CYP19A1: variants seen among roughly 807,000 people sequenced by gnomAD.
CYP19A1 encodes cytochrome P450 family 19 subfamily A member 1.
In CYP19A1, 32 loss-of-function variants were observed where a neutral mutation model predicts 44.4. The observed-to-expected ratio is 0.72, with a 90% CI of 0.54 to 0.97. The LOEUF (loss-of-function observed/expected upper bound fraction) is 0.97. CYP19A1 is among the 50% of genes least tolerant of loss of function. The pLI is 0.00. For synonymous variants in CYP19A1, 212 were observed against 215.6 expected (o/e 0.98, Z 0.14); for missense variants, 598 against 637.8 (o/e 0.94, Z 0.67).
intron 1 of CYP19A1, among the ~76,000 whole-genome samples, chr15:51,332,579 C>T (rs1225090591): frequency 6.6e-6 from 1 of 152,192 alleles, no homozygotes; most frequent in African/African-American, 2.4e-5. Flanking sequence ...CCTTTTCCTC[C>T]TCTTTCCATC....
chr15:51,222,280 G>A lies in CYP19A1; in HGVS notation c.628+69C>T, dbSNP rs1224537196. ...AAATGGCATGTGATTCCTTTGGTCT[G>A]TTATCCCTCCTAGCTCCTTGTTCAG... On this transcript the variant is annotated intron_variant, in intron 5 of 9. Coordinates refer to ENST00000396402, the MANE Select transcript of CYP19A1 (RefSeq NM_000103.4). 4.3e-6 allele frequency: 7 copies of A among 1,612,362 alleles called. No homozygotes were observed. In the East Asian group the frequency reaches 6.7e-5, roughly 15 times the overall value.
intron 5 of CYP19A1, among the ~76,000 whole-genome samples, chr15:51,220,137 T>G (rs986786548): frequency 1.3e-5 from 2 of 152,204 alleles, no homozygotes; most frequent in Non-Finnish European, 2.9e-5. Context: ...TTCCTCCGCC[T>G]GGAGTGTTCT....
intron 1 of CYP19A1, among the ~76,000 whole-genome samples, chr15:51,280,622 G>T (rs1357818773): frequency 6.6e-6 from 1 of 152,198 alleles, no homozygotes; most frequent in Non-Finnish European, 1.5e-5. Context: ...ATCTACATGG[G>T]TGGAGGTGGG....
At position 51,291,766 on chromosome 15, in the gene CYP19A1, T is replaced by A. The variant is rs74013191; in HGVS notation, c.-39+46729A>T. Among the ~76,000 whole-genome samples the A allele has an allele frequency of 6.3e-3, 962 of 152,078 alleles. 15 individuals carry two copies. Among genetic ancestry groups the A allele is most frequent in the African/African-American group, 0.022 (916 of 41,454 alleles). ...TAGGTCAAATCTCCAACACAGAAGATAATCAGGGAAAAAAGCTCAGGCTAG... is the reference window on the plus strand; with the variant it reads ...TAGGTCAAATCTCCAACACAGAAGAAAATCAGGGAAAAAAGCTCAGGCTAG... On this transcript the variant is annotated intron_variant, in intron 1 of 9. Coordinates refer to ENST00000396402, the MANE Select transcript of CYP19A1 (RefSeq NM_000103.4).
rs554642157 is a variant in CYP19A1, at chr15:51,229,629, C to A, written c.297-1696G>T. ...ATTCTGGGGAATTTGTCTGACGTTT[C>A]AAATTTTGTCATATATAGAAAAATT... On this transcript the variant is annotated intron_variant, in intron 3 of 9. Coordinates refer to ENST00000396402, the MANE Select transcript of CYP19A1 (RefSeq NM_000103.4). 3.3e-5 allele frequency among the ~76,000 whole-genome samples: 5 copies of A among 152,100 alleles called. No individual in the cohort carries two copies. The South Asian group carries it at 1.0e-3, about 32-fold the overall frequency.
At chr15:51,315,969 G>A (rs1403142981) in intron 1 of CYP19A1, 2 of 152,156 alleles carry the variant, frequency 1.3e-5, no homozygotes, top group African/African-American at 2.4e-5. Flanking sequence ...CAAGGCTTCC[G>A]AGTGACAGTT....
At chr15:51,301,002 T>C (rs2036100949) in intron 1 of CYP19A1, among the ~76,000 whole-genome samples, 2 of 152,124 alleles carry the variant, frequency 1.3e-5, no homozygotes, top group South Asian at 4.1e-4. Flanking sequence ...GAACTACCTT[T>C]CCAGGGAAGA....
chr15:51,260,774 C>T (rs958333909), intron 1 of CYP19A1, among the ~76,000 whole-genome samples: 1 of 152,168 alleles, frequency 6.6e-6, no homozygotes, highest in East Asian at 1.9e-4. Flanking sequence ...ATAGTCAAAT[C>T]ATATATTGCC....
intron 1 of CYP19A1, among the ~76,000 whole-genome samples, chr15:51,264,708 T>C (rs868745854): frequency 4.6e-5 from 7 of 152,104 alleles, no homozygotes; most frequent in Non-Finnish European, 4.4e-5. Context: ...AAACAGGGAA[T>C]AGGAACTGGG....
chr15:51,250,199 C>A (rs1349657646), intron 1 of CYP19A1, among the ~76,000 whole-genome samples: 1 of 152,202 alleles, frequency 6.6e-6, no homozygotes, highest in Non-Finnish European at 1.5e-5. Flanking sequence ...ATGAAAGGTA[C>A]CTGCTGCTAA....
At chr15:51,294,238 T>TC (rs2035921722) in intron 1 of CYP19A1, among the ~76,000 whole-genome samples, 1 of 109,168 alleles carries the variant, frequency 9.2e-6, no homozygotes, top group Non-Finnish European at 1.7e-5. Flanking sequence ...GAGCGCCTCT[T>TC]CCCGGCCACC....
intron 1 of CYP19A1, among the ~76,000 whole-genome samples, chr15:51,301,551 C>A (rs1486239012): frequency 6.6e-6 from 1 of 152,196 alleles, no homozygotes. Context: ...GCATACTGAC[C>A]CCTATTTGGG....
At chr15:51,231,578 A>G (rs1456721431) in intron 3 of CYP19A1, among the ~76,000 whole-genome samples, 1 of 151,878 alleles carries the variant, frequency 6.6e-6, no homozygotes, top group African/African-American at 2.4e-5. Flanking sequence ...CTGTGCTTGC[A>G]CCTGGCAGTT....
At chr15:51,310,824 G>C (rs372159011) in intron 1 of CYP19A1, among the ~76,000 whole-genome samples, 4 of 152,188 alleles carry the variant, frequency 2.6e-5, no homozygotes, top group Non-Finnish European at 4.4e-5. Context: ...AGAGGAAAGA[G>C]GGGGAGAAAG....
intron 1 of CYP19A1, among the ~76,000 whole-genome samples, chr15:51,296,379 A>G (rs139596460): frequency 4.4e-4 from 67 of 152,278 alleles, no homozygotes; most frequent in Non-Finnish European, 8.5e-4. Context: ...AGGTGGGGGC[A>G]TGACAGGGTT....
chr15:51,244,468 T>G (rs1021938976), intron 1 of CYP19A1, among the ~76,000 whole-genome samples: 1 of 152,152 alleles, frequency 6.6e-6, no homozygotes, highest in Non-Finnish European at 1.5e-5. Context: ...TGTGGTTGTT[T>G]TTTTTTTAAT....
At position 51,307,548 on chromosome 15, in the gene CYP19A1, G is replaced by C. The variant is rs983868834; in HGVS notation, c.-39+30947C>G. On this transcript the variant is annotated intron_variant, in intron 1 of 9. Transcript: ENST00000396402. The stretch of plus-strand genomic sequence containing the variant: ...CACAGAGCATGGTAGTGGTGTGAAA[G>C]AGCTGCCCGGAGCAAGTATGTGACA... Among the ~76,000 whole-genome samples, 13 of 152,300 alleles carry C rather than the reference G, an allele frequency of 8.5e-5. No individual in the cohort carries two copies. In the East Asian group the frequency reaches 2.5e-3, roughly 29 times the overall value.
intron 3 of CYP19A1, among the ~76,000 whole-genome samples, chr15:51,232,465 G>T (rs994056670): frequency 6.6e-6 from 1 of 152,056 alleles, no homozygotes; most frequent in Non-Finnish European, 1.5e-5. Flanking sequence ...TTACACTAGA[G>T]GGTCTCAAGG....
chr15:51,327,806 CT>C (rs1162610950), intron 1 of CYP19A1, among the ~76,000 whole-genome samples: 1 of 152,112 alleles, frequency 6.6e-6, no homozygotes, highest in Admixed American at 6.5e-5. Context: ...TGTAACTCTC[CT>C]TTTGTTATGC....
Sources: gnomAD v4.1 joint callset for allele counts (sites outside exome capture counted in the v4.1 genomes callset) on GRCh38, gnomAD v4.1.1 for gene constraint, MANE v1.5 for transcripts, NCBI Gene and HGNC (gene_info 2026-07-23, HGNC 2026-07-21) for gene names.